Variants in STAU2 observed in about 807,000 individuals in gnomAD.
The protein encoded by STAU2 is double-stranded RNA-binding protein Staufen homolog 2.
In STAU2, 20 loss-of-function variants were observed where a neutral mutation model predicts 65.9. That is an observed-to-expected ratio of 0.30 (90% CI 0.21 to 0.44). The LOEUF (loss-of-function observed/expected upper bound fraction) is 0.44, where lower values mean the gene tolerates loss of function less well. Among genes scored for constraint, STAU2 ranks in the 20% least tolerant of loss-of-function variants. STAU2 has a pLI of 1.00. For missense variants in STAU2, 558 were observed against 683.9 expected, an observed-to-expected ratio of 0.82 and a Z score of 2.05; for synonymous variants, 232 against 233.9, an observed-to-expected ratio of 0.99 and a Z score of 0.07.
At chr8:73,596,670 G>A (rs1811211851) in intron 10 of STAU2, among the ~76,000 whole-genome samples, 1 of 151,770 alleles carries the variant, frequency 6.6e-6, no homozygotes, top group African/African-American at 2.4e-5. Context: ...GCAATATAGT[G>A]AGACCCCATT....
At chr8:73,585,978 T>C (rs1255608514) in intron 11 of STAU2, among the ~76,000 whole-genome samples, 1 of 152,110 alleles carries the variant, frequency 6.6e-6, no homozygotes, top group Non-Finnish European at 1.5e-5. Flanking sequence ...TATAAAGAGG[T>C]GCCTTTTGGC....
chr8:73,480,637 C>A (rs1820557667), intron 13 of STAU2, among the ~76,000 whole-genome samples: 2 of 152,080 alleles, frequency 1.3e-5, no homozygotes, highest in Admixed American at 1.3e-4. Flanking sequence ...AACTGAAAAT[C>A]ATTTGCAGCT....
At chr8:73,708,316 A>G (rs529471963) in intron 4 of STAU2, among the ~76,000 whole-genome samples, 1 of 152,358 alleles carries the variant, frequency 6.6e-6, no homozygotes, top group East Asian at 1.9e-4. Flanking sequence ...TTTTATGATC[A>G]TTATGATAAT....
intron 13 of STAU2, among the ~76,000 whole-genome samples, chr8:73,435,589 A>C (rs1817626446): frequency 6.6e-6 from 1 of 151,920 alleles, no homozygotes; most frequent in African/African-American, 2.4e-5. Context: ...CAAAGGGATA[A>C]AAAGTCCTAG....
chr8:73,727,628 T>C (rs968887235), intron 3 of STAU2, among the ~76,000 whole-genome samples: 3 of 152,370 alleles, frequency 2.0e-5, no homozygotes, highest in Admixed American at 2.0e-4. Context: ...GATGGACATT[T>C]GGGTTGTTTC....
intron 13 of STAU2, among the ~76,000 whole-genome samples, chr8:73,531,638 A>G (rs1805826689): frequency 6.6e-6 from 1 of 152,236 alleles, no homozygotes; most frequent in Admixed American, 6.5e-5. Context: ...GAAACTGTGA[A>G]TTAAAAAAAA....
chr8:73,700,837 A>G (rs6985670), intron 4 of STAU2, among the ~76,000 whole-genome samples: 28,926 of 152,090 alleles, frequency 0.19, 2,986 homozygotes, highest in East Asian at 0.37. Flanking sequence ...CAAAAAGAAC[A>G]TAACTGGAGG....
intron 13 of STAU2, among the ~76,000 whole-genome samples, chr8:73,477,991 C>A (rs921030418): frequency 6.6e-6 from 1 of 151,590 alleles, no homozygotes; most frequent in Admixed American, 6.6e-5. Flanking sequence ...TGTCTATTGT[C>A]TGACACACTG....
At chr8:73,446,856 C>T (rs913569594) in intron 13 of STAU2, among the ~76,000 whole-genome samples, 1 of 152,134 alleles carries the variant, frequency 6.6e-6, no homozygotes, top group African/African-American at 2.4e-5. Context: ...TACTGTCTCA[C>T]CCTTCAATCA....
At chr8:73,547,530 T>C (rs1807016542) in intron 13 of STAU2, among the ~76,000 whole-genome samples, 1 of 152,172 alleles carries the variant, frequency 6.6e-6, no homozygotes, top group African/African-American at 2.4e-5. Context: ...CCCACTGGAA[T>C]AACAAACCTG....
intron 12 of STAU2, among the ~76,000 whole-genome samples, chr8:73,563,101 C>T (rs908254024): frequency 1.3e-5 from 2 of 152,076 alleles, no homozygotes; most frequent in Non-Finnish European, 2.9e-5. Context: ...CAGCCAAATA[C>T]ACACAAAAAA....
At chr8:73,433,340 G>T (rs1040145364) in intron 13 of STAU2, among the ~76,000 whole-genome samples, 1 of 151,282 alleles carries the variant, frequency 6.6e-6, no homozygotes, top group South Asian at 2.1e-4. Flanking sequence ...AAGTAGCTGG[G>T]ACTACAGGCA....
intron 6 of STAU2, chr8:73,651,324 G>T: frequency 2.9e-6 from 2 of 678,988 alleles, no homozygotes; most frequent in Non-Finnish European, 2.7e-6. Context: ...CAGGTCCGTG[G>T]CTTGGAGGGC....
chr8:73,586,493 G>A (rs1317559948), intron 11 of STAU2, among the ~76,000 whole-genome samples: 4 of 152,026 alleles, frequency 2.6e-5, no homozygotes, highest in Non-Finnish European at 5.9e-5. Context: ...AAATCCATGT[G>A]TCACCCTGCA....
intron 13 of STAU2, among the ~76,000 whole-genome samples, chr8:73,431,133 C>T (rs966200065): frequency 2.0e-5 from 3 of 152,180 alleles, no homozygotes; most frequent in South Asian, 2.1e-4. Flanking sequence ...ACTTCCCACA[C>T]GCCGCAGATT....
At chr8:73,737,153 G>A (rs887870888) in intron 3 of STAU2, among the ~76,000 whole-genome samples, 2 of 142,658 alleles carry the variant, frequency 1.4e-5, no homozygotes, top group Non-Finnish European at 1.5e-5. Context: ...AGGCGTGAGC[G>A]ACCACGCCTG....
intron 6 of STAU2, among the ~76,000 whole-genome samples, chr8:73,669,782 G>A (rs191441605): frequency 1.8e-4 from 27 of 152,150 alleles, no homozygotes; most frequent in African/African-American, 6.5e-4. Flanking sequence ...AAGAACATGA[G>A]CTCCATAAGG....
intron 4 of STAU2, among the ~76,000 whole-genome samples, chr8:73,694,229 G>C (rs1193393348): frequency 2.0e-5 from 3 of 151,996 alleles, no homozygotes; most frequent in African/African-American, 7.2e-5. Flanking sequence ...CTATAAAATT[G>C]ACAATTAAAG....
At chr8:73,680,613 G>A (rs893790626) in intron 5 of STAU2, among the ~76,000 whole-genome samples, 3 of 152,064 alleles carry the variant, frequency 2.0e-5, no homozygotes, top group African/African-American at 7.2e-5. Context: ...AAACCAGGAA[G>A]AAATATCTGA....
Sources: gnomAD v4.1 joint callset for allele counts (sites outside exome capture counted in the v4.1 genomes callset) on GRCh38, gnomAD v4.1.1 for gene constraint, MANE v1.5 for transcripts, NCBI Gene and HGNC (gene_info 2026-07-23, HGNC 2026-07-21) for gene names.